The following SNTG2 variants were observed in gnomAD, a reference collection of about 807,000 sequenced individuals.
SNTG2 encodes gamma-2-syntrophin.
SNTG2 carries 74 observed loss-of-function variants against 70.9 expected under a neutral mutation model. The ratio of observed to expected loss-of-function variants is 1.04; its 90% CI spans 0.86 to 1.27. The LOEUF is 1.27. Among genes scored for constraint, SNTG2 ranks in the 50% most tolerant of loss-of-function variants. The probability of loss-of-function intolerance (pLI) is 0.00; values close to 1 mark genes in which losing one functional copy is unlikely to be tolerated. For missense variants in SNTG2, 717 were observed against 690.7 expected, an observed-to-expected ratio of 1.04 and a Z score of -0.43; for synonymous variants, 278 against 273.8, an observed-to-expected ratio of 1.02 and a Z score of -0.15.
At chr2:1,047,602 G>A (rs1255760726) in intron 1 of SNTG2, among the ~76,000 whole-genome samples, 1 of 152,178 alleles carries the variant, frequency 6.6e-6, no homozygotes, top group African/African-American at 2.4e-5. Flanking sequence ...TTGACCTCTT[G>A]CCTTTTGTTT....
chr2:1,142,231 A>C (rs142173856), intron 6 of SNTG2, among the ~76,000 whole-genome samples: 1 of 152,202 alleles, frequency 6.6e-6, no homozygotes, highest in Non-Finnish European at 1.5e-5. Flanking sequence ...TCTATTTCAA[A>C]CCTAAGAGCT....
chr2:966,171 C>T (rs1013270405), intron 1 of SNTG2, among the ~76,000 whole-genome samples: 1 of 152,220 alleles, frequency 6.6e-6, no homozygotes, highest in Non-Finnish European at 1.5e-5. Context: ...CTCTGTGCCA[C>T]ATTCTGTGTG....
Position 996,673 on chromosome 2 carries a change from G to GTTTTTTTTTTTTTTTTTTTTTTTT in SNTG2, c.72+45613_72+45636dup. Among the ~76,000 whole-genome samples the GTTTTTTTTTTTTTTTTTTTTTTTT allele has an allele frequency of 1.3e-3, 45 of 35,098 alleles. 9 individuals carry two copies. The highest frequency in any genetic ancestry group is 5.0e-3 in the South Asian group (3 of 606). 23.0% of individuals were successfully genotyped at this position (35,098 alleles called of 152,430 possible). On this transcript the variant is annotated intron_variant, in intron 1 of 16. Coordinates refer to ENST00000308624, the MANE Select transcript of SNTG2 (RefSeq NM_018968.4). The stretch of plus-strand genomic sequence containing the variant: ...ATATTGCTTGTATTTGAGTTACCCA[G>GTTTTTTTTTTTTTTTTTTTTTTTT]TTTTTTTTTTTTTTTTTTTTTTTTT...
At chr2:1,125,712 A>G (rs1054478986) in intron 4 of SNTG2, among the ~76,000 whole-genome samples, 36 of 149,250 alleles carry the variant, frequency 2.4e-4, no homozygotes, top group African/African-American at 8.6e-4. Flanking sequence ...GTTTTGCTTA[A>G]TTTATTCTCA....
At position 1,010,172 on chromosome 2, in the gene SNTG2, C is replaced by T. The variant is rs913532563; in HGVS notation, c.72+59104C>T. 5.9e-5 allele frequency among the ~76,000 whole-genome samples: 9 copies of T among 151,942 alleles called. No individual in the cohort carries two copies. In the South Asian group the frequency reaches 1.0e-3, roughly 18 times the overall value. ...AGAAGGAGAGGTAATGGGATGTCCA[C>T]GGGGTGAGTTGAATGTGGCGTGAGC... is the stretch of plus-strand genomic sequence containing the variant. On this transcript the variant is annotated intron_variant, in intron 1 of 16. Coordinates refer to ENST00000308624, the MANE Select transcript of SNTG2 (RefSeq NM_018968.4).
intron 16 of SNTG2, among the ~76,000 whole-genome samples, chr2:1,366,843 G>A (rs558982993): frequency 1.3e-5 from 2 of 152,222 alleles, no homozygotes; most frequent in East Asian, 3.9e-4. Flanking sequence ...CCTCCCAAGG[G>A]CGGCCTTGGC....
intron 1 of SNTG2, among the ~76,000 whole-genome samples, chr2:1,074,188 C>T (rs760770962): frequency 3.9e-5 from 6 of 152,170 alleles, no homozygotes; most frequent in Non-Finnish European, 8.8e-5. Context: ...GCAGTGTAGC[C>T]CCTCTGTGCA....
At chr2:1,183,972 A>G (rs1446204706) in intron 8 of SNTG2, among the ~76,000 whole-genome samples, 3 of 152,184 alleles carry the variant, frequency 2.0e-5, no homozygotes, top group African/African-American at 7.2e-5. Flanking sequence ...CCTATTTCCT[A>G]CAAAAAATAT....
At chr2:1,223,579 C>T (rs1464633616) in intron 9 of SNTG2, among the ~76,000 whole-genome samples, 1 of 152,226 alleles carries the variant, frequency 6.6e-6, no homozygotes, top group Non-Finnish European at 1.5e-5. Context: ...GCACCCTCCC[C>T]ATTACAACTA....
intron 14 of SNTG2, among the ~76,000 whole-genome samples, chr2:1,294,922 C>A (rs375161484): frequency 6.6e-6 from 1 of 152,228 alleles, no homozygotes; most frequent in Non-Finnish European, 1.5e-5. Flanking sequence ...ACAGCCCAGG[C>A]ACCCAGAGGC....
At chr2:1,251,662 TGCACACACCACACAC>T (rs1379801454) in intron 12 of SNTG2, among the ~76,000 whole-genome samples, 1 of 130,104 alleles carries the variant, frequency 7.7e-6, no homozygotes. Flanking sequence ...ACACCACACA[TGCACACACCACACAC>T]ACATCACATG....
At chr2:1,031,528 A>ATTTTTTTTTTTT (rs745388505) in intron 1 of SNTG2, among the ~76,000 whole-genome samples, 8 of 59,116 alleles carry the variant, frequency 1.4e-4, no homozygotes, top group Non-Finnish European at 2.2e-4. Flanking sequence ...ATATATATAT[A>ATTTTTTTTTTTT]TTTTTTTTTT....
chr2:1,214,329 C>A (rs540709555), intron 9 of SNTG2, among the ~76,000 whole-genome samples: 1 of 152,204 alleles, frequency 6.6e-6, no homozygotes, highest in South Asian at 2.1e-4. Context: ...TTTTGTATAT[C>A]ATTTTAAGTA....
At chr2:1,018,615 A>G (rs917212441) in intron 1 of SNTG2, among the ~76,000 whole-genome samples, 1 of 152,202 alleles carries the variant, frequency 6.6e-6, no homozygotes, top group Non-Finnish European at 1.5e-5. Context: ...AGGAGCAGGA[A>G]TGAGAGCTGT....
chr2:1,143,329 C>T (rs1241267135), intron 6 of SNTG2, among the ~76,000 whole-genome samples: 2 of 152,140 alleles, frequency 1.3e-5, no homozygotes, highest in African/African-American at 4.8e-5. Flanking sequence ...CTCTAGCACT[C>T]CACTCATGCC....
At chr2:1,092,254 AG>A (rs199743888) in intron 2 of SNTG2, among the ~76,000 whole-genome samples, 36,673 of 89,142 alleles carry the variant, frequency 0.41, 4,625 homozygotes, top group African/African-American at 0.48. Flanking sequence ...AATTAGAGAG[AG>A]AAAAAAAAAC....
chr2:1,133,391 A>G (rs566700300), intron 4 of SNTG2, among the ~76,000 whole-genome samples: 1 of 152,360 alleles, frequency 6.6e-6, no homozygotes, highest in East Asian at 1.9e-4. Flanking sequence ...TTACCTTTAC[A>G]TGACCTCAGA....
intron 4 of SNTG2, among the ~76,000 whole-genome samples, chr2:1,105,710 C>G (rs1479703820): frequency 6.6e-6 from 1 of 152,174 alleles, no homozygotes; most frequent in Non-Finnish European, 1.5e-5. Flanking sequence ...CCCTGCTGCC[C>G]CTGGCCCAGA....
chr2:979,329 A>G (rs1661023128), intron 1 of SNTG2, among the ~76,000 whole-genome samples: 1 of 152,220 alleles, frequency 6.6e-6, no homozygotes, highest in African/African-American at 2.4e-5. Context: ...TGCTGGTGCA[A>G]TGAAGAATTC....
Sources: allele counts gnomAD v4.1 joint callset (sites outside exome capture counted in the v4.1 genomes callset), GRCh38; gene constraint gnomAD v4.1.1; transcripts MANE v1.5; gene names NCBI Gene and HGNC (gene_info 2026-07-23, HGNC 2026-07-21).